The following ASTN2 variants were observed in gnomAD, a reference collection of about 807,000 sequenced individuals.
ASTN2 encodes astrotactin 2, also known as astrotactin-2.
ASTN2 carries 54 observed loss-of-function variants against 139.8 expected under a neutral mutation model. The observed-to-expected ratio is 0.39, with a 90% CI of 0.31 to 0.48. The LOEUF (loss-of-function observed/expected upper bound fraction) is 0.48, where lower values mean the gene tolerates loss of function less well. ASTN2 is among the 20% of genes least tolerant of loss of function. The probability of loss-of-function intolerance (pLI) is 0.95; values close to 1 mark genes in which losing one functional copy is unlikely to be tolerated. For missense variants in ASTN2, 1,565 were observed against 1,725.1 expected, an observed-to-expected ratio of 0.91 and a Z score of 1.64; for synonymous variants, 756 against 719.5, an observed-to-expected ratio of 1.05 and a Z score of -0.81.
chr9:117,130,025 G>A (rs181200689), intron 4 of ASTN2, among the ~76,000 whole-genome samples: 1 of 152,162 alleles, frequency 6.6e-6, no homozygotes, highest in Non-Finnish European at 1.5e-5. Flanking sequence ...CCTATCACAG[G>A]GCCAGGCATG....
At chr9:117,056,985 A>T (rs977115142) in intron 5 of ASTN2, among the ~76,000 whole-genome samples, 1 of 152,258 alleles carries the variant, frequency 6.6e-6, no homozygotes, top group African/African-American at 2.4e-5. Flanking sequence ...ACTTCACAAG[A>T]TTACTTAAGT....
intron 5 of ASTN2, among the ~76,000 whole-genome samples, chr9:117,048,963 C>CT (rs372277811): frequency 0.061 from 5,409 of 89,026 alleles, 756 homozygotes; most frequent in African/African-American, 0.16. Flanking sequence ...TCATCCATTG[C>CT]TTTTTTTTTT....
chr9:117,254,677 T>C (rs932258991), intron 2 of ASTN2, among the ~76,000 whole-genome samples: 2 of 152,232 alleles, frequency 1.3e-5, no homozygotes, highest in African/African-American at 4.8e-5. Context: ...TATGTGTATA[T>C]ATGTATGTAA....
chr9:116,814,816 G>A (rs1407884732), intron 12 of ASTN2, among the ~76,000 whole-genome samples: 1 of 152,152 alleles, frequency 6.6e-6, no homozygotes, highest in Non-Finnish European at 1.5e-5. Context: ...AATGTCTCAT[G>A]GAACTAATGT....
chr9:117,015,942 T>C (rs1167159239), intron 6 of ASTN2, among the ~76,000 whole-genome samples: 1 of 152,160 alleles, frequency 6.6e-6, no homozygotes, highest in South Asian at 2.1e-4. Flanking sequence ...TTAATATTTT[T>C]ATCAAGTGTT....
chr9:117,230,567 G>A (rs922665691), intron 2 of ASTN2, among the ~76,000 whole-genome samples: 1 of 152,080 alleles, frequency 6.6e-6, no homozygotes, highest in African/African-American at 2.4e-5. Flanking sequence ...TGGGGTTCTG[G>A]GTAGACATCA....
chr9:116,489,888 C>T (rs796266354), intron 19 of ASTN2, among the ~76,000 whole-genome samples: 6 of 152,252 alleles, frequency 3.9e-5, no homozygotes, highest in African/African-American at 1.2e-4. Context: ...GTGTCTAAAT[C>T]AGGGTAGTGT....
At chr9:116,507,107 A>G (rs1236878185) in intron 19 of ASTN2, among the ~76,000 whole-genome samples, 3 of 152,220 alleles carry the variant, frequency 2.0e-5, no homozygotes, top group Non-Finnish European at 4.4e-5. Context: ...TCACAGAGAT[A>G]CTGTGAAGCT....
At chr9:116,432,273 C>G (rs1847521643) in intron 22 of ASTN2, among the ~76,000 whole-genome samples, 1 of 152,214 alleles carries the variant, frequency 6.6e-6, no homozygotes, top group South Asian at 2.1e-4. Flanking sequence ...TCCCAGCTAT[C>G]ATAAGTCATG....
chr9:116,918,600 T>G (rs538220780), intron 10 of ASTN2, among the ~76,000 whole-genome samples: 2 of 152,336 alleles, frequency 1.3e-5, no homozygotes, highest in African/African-American at 4.8e-5. Context: ...CCTCTAAATG[T>G]CAATCTTCTA....
At chr9:116,803,789 G>C (rs1218576661) in intron 13 of ASTN2, among the ~76,000 whole-genome samples, 1 of 151,298 alleles carries the variant, frequency 6.6e-6, no homozygotes, top group Non-Finnish European at 1.5e-5. Flanking sequence ...CTCCCAAAGT[G>C]CTGGGATTAC....
Position 116,698,009 on chromosome 9 carries a change from T to C in ASTN2, c.2806+27762A>G. The C allele has an allele frequency of 6.2e-7, 1 of 1,614,078 alleles. No homozygotes were observed. On this transcript the variant is annotated intron_variant, in intron 16 of 22. Transcript: ENST00000313400. The surrounding 1 kb of genome is among the most constrained non-coding windows in gnomAD (Gnocchi z 4.4). The stretch of plus-strand genomic sequence containing the variant: ...CAGTGCTAAAGATCATTGATACAGC[T>C]GGGCTCAGCGAGGCTGTGGGGCTGC...
chr9:116,750,660 A>G (rs1328643683), intron 13 of ASTN2, among the ~76,000 whole-genome samples: 1 of 152,176 alleles, frequency 6.6e-6, no homozygotes, highest in Admixed American at 6.5e-5. Context: ...GCTTTCTGCA[A>G]CACTGCACTA....
intron 2 of ASTN2, among the ~76,000 whole-genome samples, chr9:117,284,270 A>C (rs1834394418): frequency 6.6e-6 from 1 of 152,008 alleles, no homozygotes; most frequent in Non-Finnish European, 1.5e-5. Flanking sequence ...AGGCCAACTA[A>C]TTTTTTGTAT....
chr9:116,997,834 T>C (rs1296699701), intron 7 of ASTN2, among the ~76,000 whole-genome samples: 1 of 152,216 alleles, frequency 6.6e-6, no homozygotes, highest in East Asian at 1.9e-4. Flanking sequence ...TTAGATGTTG[T>C]TATTGTCACT....
intron 7 of ASTN2, among the ~76,000 whole-genome samples, chr9:116,978,425 A>G (rs1836413087): frequency 1.3e-5 from 2 of 151,874 alleles, no homozygotes; most frequent in South Asian, 2.1e-4. Context: ...ATCTTCTTGT[A>G]ATCACATTAT....
At chr9:117,162,911 A>G (rs1230518729) in intron 3 of ASTN2, among the ~76,000 whole-genome samples, 1 of 152,048 alleles carries the variant, frequency 6.6e-6, no homozygotes, top group Non-Finnish European at 1.5e-5. Context: ...CAAACACATT[A>G]AAGAAACCTC....
chr9:116,909,423 T>C (rs1206091180), intron 10 of ASTN2, among the ~76,000 whole-genome samples: 2 of 152,200 alleles, frequency 1.3e-5, no homozygotes, highest in Admixed American at 1.3e-4. Context: ...ACTCCAAGTG[T>C]TTTGGCCTGA....
chr9:116,989,966 CTGT>C (rs1159887805), intron 7 of ASTN2, among the ~76,000 whole-genome samples: 1 of 152,128 alleles, frequency 6.6e-6, no homozygotes, highest in Admixed American at 6.5e-5. Flanking sequence ...GTCTCTGCTT[CTGT>C]TTTTTCTTTC....
Sources: allele counts gnomAD v4.1 joint callset (sites outside exome capture counted in the v4.1 genomes callset), GRCh38; gene constraint gnomAD v4.1.1; non-coding constraint Gnocchi (gnomAD v3.1); transcripts MANE v1.5; gene names NCBI Gene and HGNC (gene_info 2026-07-23, HGNC 2026-07-21).